The following RSRC1 variants were observed in gnomAD, a reference collection of about 807,000 sequenced individuals.
The protein encoded by RSRC1 is arginine and serine rich coiled-coil 1, also known as serine/Arginine-related protein 53.
RSRC1 carries 39 observed loss-of-function variants against 49.1 expected under a neutral mutation model. The observed-to-expected ratio is 0.79, with a 90% CI of 0.61 to 1.04. The LOEUF (loss-of-function observed/expected upper bound fraction) is 1.04. Ranked by LOEUF, RSRC1 falls within the 50% of genes least tolerant of loss-of-function variation. The probability of loss-of-function intolerance (pLI) is 0.00; values close to 1 mark genes in which losing one functional copy is unlikely to be tolerated. For missense variants in RSRC1, 388 were observed against 402.4 expected (o/e 0.96, Z 0.31); for synonymous variants, 143 against 130.8 (o/e 1.09, Z -0.63).
chr3:158,316,537 G>C (rs937013319), intron 5 of RSRC1, among the ~76,000 whole-genome samples: 4 of 142,702 alleles, frequency 2.8e-5, no homozygotes, highest in East Asian at 4.3e-4. Flanking sequence ...CTCCGCCCCC[G>C]GGGTTCACGC....
rs1412228455 is a variant in RSRC1, at chr3:158,460,127, A to G, written c.584-808A>G. Reference sequence around the variant, plus strand: ...TGATTCTTTTTCTTTTGACAAGGCAATACTTTTTTAACTTAATATTTCATC... The same window carrying G: ...TGATTCTTTTTCTTTTGACAAGGCAGTACTTTTTTAACTTAATATTTCATC... On this transcript the variant is annotated intron_variant, in intron 6 of 9. Coordinates refer to ENST00000611884, the MANE Select transcript of RSRC1 (RefSeq NM_001271838.2). Among the ~76,000 whole-genome samples, 5 of 151,966 alleles carry G rather than the reference A, an allele frequency of 3.3e-5. 1 individual carries two copies. The highest frequency in any genetic ancestry group is 2.1e-4 in the South Asian group (1 of 4,832).
Position 158,421,022 on chromosome 3 carries a change from G to A in RSRC1, c.584-39913G>A, listed in dbSNP as rs141809521. ...AACAGACAAGGCCAAATATTCATTCGTTTTTTTTCTTCTGTTCAACAATTT... is the reference window on the plus strand; with the variant it reads ...AACAGACAAGGCCAAATATTCATTCATTTTTTTTCTTCTGTTCAACAATTT... On this transcript the variant is annotated intron_variant, in intron 6 of 9. Coordinates refer to ENST00000611884, the MANE Select transcript of RSRC1 (RefSeq NM_001271838.2). Among the ~76,000 whole-genome samples the A allele has an allele frequency of 2.6e-3, 389 of 151,750 alleles. 3 individuals are homozygous for A. Among genetic ancestry groups the A allele is most frequent in the African/African-American group, 8.8e-3 (365 of 41,442 alleles).
In RSRC1 at chr3:158,337,467, T is replaced by A. The variant is rs145454578; in HGVS notation, c.532-17390T>A. Among the ~76,000 whole-genome samples, 732 of 152,330 alleles carry A rather than the reference T, an allele frequency of 4.8e-3. 6 individuals carry two copies. The highest frequency in any genetic ancestry group is 0.017 in the African/African-American group (710 of 41,564). ...TGTGTGGGCGCATGGCCCTTGCTTC[T>A]TAATGCTGAGCTTCCATCTCTTTAC... On this transcript the variant is annotated intron_variant, in intron 5 of 9. Transcript: ENST00000611884.
At chr3:158,345,286 T>TGC (rs1730488509) in intron 5 of RSRC1, among the ~76,000 whole-genome samples, 1 of 151,998 alleles carries the variant, frequency 6.6e-6, no homozygotes, top group Non-Finnish European at 1.5e-5. Flanking sequence ...TGTGGTAGAT[T>TGC]AATAATTACG....
chr3:158,410,220 T>C (rs1734383704), intron 6 of RSRC1, among the ~76,000 whole-genome samples: 1 of 152,210 alleles, frequency 6.6e-6, no homozygotes, highest in South Asian at 2.1e-4. Flanking sequence ...GGTTTGCTCA[T>C]GTCTACTTCT....
At chr3:158,331,205 T>G (rs1251548019) in intron 5 of RSRC1, among the ~76,000 whole-genome samples, 2 of 152,222 alleles carry the variant, frequency 1.3e-5, no homozygotes, top group African/African-American at 4.8e-5. Flanking sequence ...CCAAACCATA[T>G]CAACATCATT....
chr3:158,153,636 G>C (rs1372901670), intron 3 of RSRC1, among the ~76,000 whole-genome samples: 4 of 152,148 alleles, frequency 2.6e-5, no homozygotes, highest in Non-Finnish European at 4.4e-5. Flanking sequence ...GTTGGTCTTT[G>C]ATCTTGTTGG....
chr3:158,329,732 G>C (rs1259152571), intron 5 of RSRC1, among the ~76,000 whole-genome samples: 5 of 152,186 alleles, frequency 3.3e-5, no homozygotes, highest in Admixed American at 3.3e-4. Flanking sequence ...CAAACTCCGT[G>C]CTGAGAGAAC....
chr3:158,295,270 G>A (rs1727172740), intron 4 of RSRC1, among the ~76,000 whole-genome samples: 2 of 151,924 alleles, frequency 1.3e-5, no homozygotes, highest in Admixed American at 6.6e-5. Flanking sequence ...AGGTAGGGGT[G>A]AAAGTGGTTC....
chr3:158,360,033 T>C (rs1038655695), intron 6 of RSRC1, among the ~76,000 whole-genome samples: 2 of 151,750 alleles, frequency 1.3e-5, no homozygotes, highest in Non-Finnish European at 2.9e-5. Flanking sequence ...AGAGGGTAGC[T>C]CCTCTCTGCT....
chr3:158,180,347 A>T (rs1407593222), intron 3 of RSRC1, among the ~76,000 whole-genome samples: 2 of 69,310 alleles, frequency 2.9e-5, no homozygotes, highest in African/African-American at 1.2e-4. Flanking sequence ...TGTGTGATTC[A>T]TTTTTATTTA....
chr3:158,364,200 A>G (rs1731633482), intron 6 of RSRC1, among the ~76,000 whole-genome samples: 1 of 152,154 alleles, frequency 6.6e-6, no homozygotes, highest in South Asian at 2.1e-4. Context: ...TGCTTTGATA[A>G]TGTTGTACTG....
chr3:158,221,814 A>C (rs1722234602), intron 4 of RSRC1, among the ~76,000 whole-genome samples: 1 of 151,582 alleles, frequency 6.6e-6, no homozygotes, highest in Non-Finnish European at 1.5e-5. Flanking sequence ...TGTGTTTGCC[A>C]GTCCAGAGTC....
chr3:158,227,195 A>G (rs2362248), intron 4 of RSRC1, among the ~76,000 whole-genome samples: 11,616 of 151,818 alleles, frequency 0.077, 538 homozygotes, highest in South Asian at 0.13. Context: ...CATGCTGTAT[A>G]CTATATAAAC....
intron 3 of RSRC1, among the ~76,000 whole-genome samples, chr3:158,137,733 G>A (rs1716478481): frequency 1.3e-5 from 2 of 149,374 alleles, no homozygotes; most frequent in South Asian, 2.1e-4. Context: ...AGCTCACTGC[G>A]ACCTCCGCCT....
At chr3:158,294,347 A>C (rs1273478963) in intron 4 of RSRC1, among the ~76,000 whole-genome samples, 1 of 152,040 alleles carries the variant, frequency 6.6e-6, no homozygotes, top group Non-Finnish European at 1.5e-5. Context: ...TGTAATACCC[A>C]CTATCATATA....
At chr3:158,176,693 C>G (rs1274710604) in intron 3 of RSRC1, among the ~76,000 whole-genome samples, 1 of 152,158 alleles carries the variant, frequency 6.6e-6, no homozygotes, top group African/African-American at 2.4e-5. Flanking sequence ...CATAAAAACC[C>G]TAGAAGAAAA....
intron 3 of RSRC1, among the ~76,000 whole-genome samples, chr3:158,157,362 CT>C (rs1166472286): frequency 2.6e-5 from 4 of 152,178 alleles, no homozygotes; most frequent in African/African-American, 7.2e-5. Context: ...AGTCTTACAA[CT>C]GTATCGAGGA....
At chr3:158,365,575 T>C (rs1731717766) in intron 6 of RSRC1, among the ~76,000 whole-genome samples, 1 of 152,146 alleles carries the variant, frequency 6.6e-6, no homozygotes, top group African/African-American at 2.4e-5. Flanking sequence ...GGTTCCAAGT[T>C]TTTGCTATTG....
Sources: gnomAD v4.1 joint callset for allele counts (sites outside exome capture counted in the v4.1 genomes callset) on GRCh38, gnomAD v4.1.1 for gene constraint, MANE v1.5 for transcripts, NCBI Gene and HGNC (gene_info 2026-07-23, HGNC 2026-07-21) for gene names.